The following GRID2 variants were observed in gnomAD, a reference collection of about 807,000 sequenced individuals.
The protein encoded by GRID2 is glutamate ionotropic receptor delta type subunit 2, also known as glutamate receptor ionotropic, delta-2.
A neutral mutation model predicts 114.8 loss-of-function variants in GRID2; 33 were observed. The ratio of observed to expected loss-of-function variants is 0.29; its 90% confidence interval spans 0.22 to 0.38. The LOEUF is 0.38. Ranked by LOEUF, GRID2 falls within the 10% of genes least tolerant of loss-of-function variation. The pLI, the probability that GRID2 is intolerant of heterozygous loss-of-function variation, is 1.00. For missense variants in GRID2, 1,184 were observed against 1,257.7 expected (o/e 0.94, Z 0.89); for synonymous variants, 505 against 449.9 (o/e 1.12, Z -1.55).
At chr4:92,994,939 C>T (rs909367079) in intron 2 of GRID2, among the ~76,000 whole-genome samples, 19 of 152,140 alleles carry the variant, frequency 1.2e-4, no homozygotes, top group African/African-American at 4.6e-4. Flanking sequence ...TAGCCAGCCA[C>T]AGTGGGAGTA....
At chr4:93,531,307 A>C (rs770396891) in intron 13 of GRID2, among the ~76,000 whole-genome samples, 1 of 152,170 alleles carries the variant, frequency 6.6e-6, no homozygotes, top group Non-Finnish European at 1.5e-5. Flanking sequence ...CCAGGCACCA[A>C]TATGGCTCCA....
chr4:93,785,357 C>G (rs1342035318), intron 1 of GRID2, among the ~76,000 whole-genome samples: 1 of 152,066 alleles, frequency 6.6e-6, no homozygotes, highest in Non-Finnish European at 1.5e-5. Flanking sequence ...GGTGATTTGC[C>G]ACTCAGACCA....
At chr4:93,283,922 C>A (rs1752894993) in intron 8 of GRID2, among the ~76,000 whole-genome samples, 1 of 152,028 alleles carries the variant, frequency 6.6e-6, no homozygotes, top group African/African-American at 2.4e-5. Flanking sequence ...CTAGCTCAAT[C>A]TCTATAATAT....
intron 1 of GRID2, among the ~76,000 whole-genome samples, chr4:92,328,564 G>C (rs1726714681): frequency 6.6e-6 from 1 of 151,996 alleles, no homozygotes; most frequent in Admixed American, 6.6e-5. Flanking sequence ...CGATAGATTG[G>C]ATTCTAAATT....
chr4:92,699,664 C>A (rs965871369), intron 2 of GRID2, among the ~76,000 whole-genome samples: 1 of 152,092 alleles, frequency 6.6e-6, no homozygotes, highest in Non-Finnish European at 1.5e-5. Flanking sequence ...AAATCAAGCA[C>A]AATTTTTATC....
rs1163386060 is a variant in GRID2 at position 92,638,671 on chromosome 4, AT to A, written c.244+48386del. Among the ~76,000 whole-genome samples, 3 of 150,448 alleles carry A rather than the reference AT, an allele frequency of 2.0e-5. No homozygotes were observed. The East Asian group carries it at 5.9e-4, about 29-fold the overall frequency. ...AAAGATAATACAAATTAATTGAAAT[AT>A]GTAATATAAGGAAAAACAGATGAGA... On this transcript the variant is annotated intron_variant, in intron 2 of 15. Coordinates refer to ENST00000282020, the MANE Select transcript of GRID2 (RefSeq NM_001510.4).
At chr4:93,050,638 G>T (rs1726619460) in intron 2 of GRID2, among the ~76,000 whole-genome samples, 1 of 151,350 alleles carries the variant, frequency 6.6e-6, no homozygotes, top group Admixed American at 6.6e-5. Context: ...AAACTAAATT[G>T]TTCATTTTTA....
intron 13 of GRID2, among the ~76,000 whole-genome samples, chr4:93,624,784 A>G (rs1297147974): frequency 1.3e-5 from 2 of 152,186 alleles, no homozygotes; most frequent in African/African-American, 4.8e-5. Flanking sequence ...AAAGTTGAAA[A>G]TATACCTTAT....
At chr4:92,554,565 T>C (rs1335925104) in intron 1 of GRID2, among the ~76,000 whole-genome samples, 1 of 152,184 alleles carries the variant, frequency 6.6e-6, no homozygotes, top group Non-Finnish European at 1.5e-5. Flanking sequence ...TTGCCTGTCA[T>C]CATGACTCCT....
chr4:93,343,400 A>T (rs557399391), intron 8 of GRID2, among the ~76,000 whole-genome samples: 154 of 152,084 alleles, frequency 1.0e-3, no homozygotes, highest in Non-Finnish European at 1.9e-3. Context: ...GTTCTCCCAG[A>T]TGAAAGATAA....
chr4:92,592,696 T>A (rs192632671), intron 2 of GRID2, among the ~76,000 whole-genome samples: 154 of 152,232 alleles, frequency 1.0e-3, no homozygotes, highest in African/African-American at 3.6e-3. Context: ...CACCAGTTAT[T>A]GTGATGGTCA....
intron 2 of GRID2, among the ~76,000 whole-genome samples, chr4:93,005,600 G>C (rs1453741269): frequency 1.3e-5 from 2 of 151,962 alleles, no homozygotes; most frequent in Admixed American, 1.3e-4. Flanking sequence ...ACTTTTACAT[G>C]AATGTTCATA....
intron 1 of GRID2, among the ~76,000 whole-genome samples, chr4:92,504,595 T>G (rs1405139368): frequency 6.6e-6 from 1 of 152,070 alleles, no homozygotes; most frequent in African/African-American, 2.4e-5. Context: ...GTGCAGTTGT[T>G]GAGATAATTT....
chr4:93,686,580 T>C (rs368649088), intron 14 of GRID2, among the ~76,000 whole-genome samples: 4 of 151,854 alleles, frequency 2.6e-5, no homozygotes, highest in Non-Finnish European at 5.9e-5. Flanking sequence ...CATAAAAAAA[T>C]ACAAGGTAGA....
chr4:92,327,604 A>G (rs1235884224), intron 1 of GRID2, among the ~76,000 whole-genome samples: 1 of 152,030 alleles, frequency 6.6e-6, no homozygotes, highest in Non-Finnish European at 1.5e-5. Flanking sequence ...AGTCCTACAT[A>G]AAACATTTAA....
intron 1 of GRID2, among the ~76,000 whole-genome samples, chr4:92,399,082 C>T (rs1730651268): frequency 6.6e-6 from 1 of 152,190 alleles, no homozygotes; most frequent in Non-Finnish European, 1.5e-5. Context: ...AAGCCATCCA[C>T]ATTTTACTTT....
intron 2 of GRID2, 31 bp downstream of exon 2, chr4:92,590,317 T>G (rs1261916641): frequency 6.5e-7 from 1 of 1,540,366 alleles, no homozygotes; most frequent in East Asian, 2.3e-5. Context: ...TTTGGTTTTT[T>G]GGTTCAATTC....
intron 2 of GRID2, among the ~76,000 whole-genome samples, chr4:92,654,600 A>T (rs1262602804): frequency 6.6e-6 from 1 of 151,934 alleles, no homozygotes; most frequent in Non-Finnish European, 1.5e-5. Flanking sequence ...AATAATAGCT[A>T]TTCTGACTTG....
chr4:93,794,025 G>C (rs6833898), intron 1 of GRID2, among the ~76,000 whole-genome samples: 18,647 of 146,850 alleles, frequency 0.13, 1,692 homozygotes, highest in African/African-American at 0.26. Flanking sequence ...CCCATCTGCA[G>C]AAAAAAAAAA....
Sources: allele counts gnomAD v4.1 joint callset (sites outside exome capture counted in the v4.1 genomes callset), GRCh38; gene constraint gnomAD v4.1.1; transcripts MANE v1.5; gene names NCBI Gene and HGNC (gene_info 2026-07-23, HGNC 2026-07-21).